The following SLC6A4 variants were observed in gnomAD, a reference collection of about 807,000 sequenced individuals.
The protein encoded by SLC6A4 is sodium-dependent serotonin transporter.
A neutral mutation model predicts 73.4 loss-of-function variants in SLC6A4; 22 were observed. That is an observed-to-expected ratio of 0.30 (90% CI 0.21 to 0.43). The LOEUF (loss-of-function observed/expected upper bound fraction) is 0.43, where lower values mean the gene tolerates loss of function less well. SLC6A4 is among the 20% of genes least tolerant of loss of function. SLC6A4 has a pLI of 1.00. For synonymous variants in SLC6A4, 270 were observed against 315.5 expected (o/e 0.86, Z 1.53); for missense variants, 593 against 808.5 (o/e 0.73, Z 3.23).
intron 1 of SLC6A4, among the ~76,000 whole-genome samples, chr17:30,230,045 AAAGAAGAAGAAGAAG>A (rs1189804200): frequency 2.7e-5 from 3 of 111,064 alleles, no homozygotes; most frequent in Admixed American, 1.0e-4. Flanking sequence ...GAAAAAGAAG[AAAGAAGAAGAAGAAG>A]AAGAAGAAGA....
intron 13 of SLC6A4, among the ~76,000 whole-genome samples, chr17:30,204,150 T>C (rs1906119171): frequency 6.6e-6 from 1 of 152,278 alleles, no homozygotes; most frequent in South Asian, 2.1e-4. Flanking sequence ...TTATGAGTTT[T>C]CTTATTTCAA....
chr17:30,215,564 T>C lies in SLC6A4; in HGVS notation c.1076+47A>G, dbSNP rs56112008. ...CACCTTCCTCCACACTAGCTGACTT[T>C]CACTCACGCCACTTTCAAGCTTTGC... On this transcript the variant is annotated intron_variant, in intron 8 of 14. Transcript: ENST00000650711. The C allele has an allele frequency of 5.6e-5, 83 of 1,479,828 alleles. No homozygotes were observed. In the African/African-American group the frequency reaches 1.1e-3, roughly 19 times the overall value. 91.7% of individuals were successfully genotyped at this position (1,479,828 alleles called of 1,614,324 possible).
chr17:30,218,437 AG>A, intron 4 of SLC6A4, 100 bp from the exon 5 acceptor site: 1 of 905,966 alleles, frequency 1.1e-6, no homozygotes, highest in Non-Finnish European at 1.7e-6. Flanking sequence ...AGCCCAGCAG[AG>A]GGGTACACGT....
At chr17:30,214,422 C>CAAAAAAAAAAAAAAAAAAAAAAA (rs748274109) in intron 8 of SLC6A4, among the ~76,000 whole-genome samples, 1 of 79,532 alleles carries the variant, frequency 1.3e-5, no homozygotes, top group Non-Finnish European at 2.2e-5. Context: ...AACTCCGTCT[C>CAAAAAAAAAAAAAAAAAAAAAAA]AAAAAAAAAA....
At chr17:30,226,360 C>G (rs1031059753) in intron 1 of SLC6A4, among the ~76,000 whole-genome samples, 4 of 152,226 alleles carry the variant, frequency 2.6e-5, no homozygotes, top group African/African-American at 9.6e-5. Context: ...GAAGCACTCC[C>G]TCAGCAAAGA....
At chr17:30,214,999 C>CTTTT (rs1906519186) in intron 8 of SLC6A4, among the ~76,000 whole-genome samples, 1 of 27,412 alleles carries the variant, frequency 3.6e-5, no homozygotes, top group African/African-American at 7.5e-5. Flanking sequence ...TTCCTTCCTT[C>CTTTT]CTTTCTTTCT....
intron 3 of SLC6A4, among the ~76,000 whole-genome samples, chr17:30,220,015 T>C (rs2143015298): frequency 6.6e-6 from 1 of 152,278 alleles, no homozygotes; most frequent in Admixed American, 6.5e-5. Context: ...GCCCCTTACA[T>C]AATGCCCAGG....
chr17:30,201,582 A>T (rs921282422), intron 14 of SLC6A4, among the ~76,000 whole-genome samples: 4 of 152,212 alleles, frequency 2.6e-5, no homozygotes, highest in African/African-American at 9.6e-5. Flanking sequence ...AACAGAGCTC[A>T]TGGATCATCA....
chr17:30,203,701 G>T, intron 13 of SLC6A4: 1 of 216,724 alleles, frequency 4.6e-6, no homozygotes, highest in Non-Finnish European at 9.3e-6. Context: ...TTTGGGCCTT[G>T]TCTTGCCAGA....
chr17:30,228,281 A>G (rs906849863), intron 1 of SLC6A4, among the ~76,000 whole-genome samples: 3 of 152,180 alleles, frequency 2.0e-5, no homozygotes, highest in African/African-American at 4.8e-5. Context: ...TAAAACCGCT[A>G]CTTCCTAAAG....
intron 8 of SLC6A4, among the ~76,000 whole-genome samples, chr17:30,213,763 T>C (rs1236978658): frequency 2.1e-5 from 3 of 145,584 alleles, no homozygotes; most frequent in Non-Finnish European, 4.6e-5. Flanking sequence ...TTATTTATTT[T>C]TGAGATAGGG....
At chr17:30,230,074 AGAAGAAGAAGAAGAAGAAGAAGAGGAG>A (rs1907044980) in intron 1 of SLC6A4, among the ~76,000 whole-genome samples, 4 of 117,436 alleles carry the variant, frequency 3.4e-5, no homozygotes, top group African/African-American at 1.4e-4. Flanking sequence ...AAGAAGAAGA[AGAAGAAGAAGAAGAAGAAGAAGAGGAG>A]GAAGAGGAAG....
chr17:30,227,463 TTGTG>T (rs1476337880), intron 1 of SLC6A4, among the ~76,000 whole-genome samples: 2 of 151,820 alleles, frequency 1.3e-5, no homozygotes, highest in Admixed American at 6.6e-5. Context: ...TTCTGTTCCT[TTGTG>T]TGTGTGTTTG....
At chr17:30,231,780 C>T (rs1165795956) in intron 1 of SLC6A4, among the ~76,000 whole-genome samples, 2 of 152,228 alleles carry the variant, frequency 1.3e-5, no homozygotes, top group South Asian at 2.1e-4. Flanking sequence ...AGCTTACCTC[C>T]CCTCTCCCCT....
Position 30,198,347 on chromosome 17 carries a change from C to T in SLC6A4, c.*109G>A. The T allele has an allele frequency of 1.5e-6, 1 of 662,272 alleles. No homozygotes were observed. The highest frequency in any genetic ancestry group is 1.9e-5 in the South Asian group (1 of 52,034). The allele number at this position is 662,272 out of a possible 1,614,324, so 41.0% of individuals were successfully genotyped here. A position where few individuals can be genotyped will look rare whatever the true frequency, so the allele number is the denominator to read the frequency against. On this transcript the variant is annotated 3_prime_UTR_variant, in exon 15 of 15. Coordinates refer to ENST00000650711, the MANE Select transcript of SLC6A4 (RefSeq NM_001045.6). ...GTCCCTGTGGAGAAGGCCCTTCCAT[C>T]ATCAGGCTTAGCTGGAAACTCATTC...
intron 1 of SLC6A4, among the ~76,000 whole-genome samples, chr17:30,227,605 G>T (rs1194657020): frequency 1.3e-5 from 2 of 151,904 alleles, no homozygotes; most frequent in African/African-American, 4.8e-5. Flanking sequence ...CCCACCTCAG[G>T]CTCCCGAGTA....
chr17:30,198,604 A>T, intron 14 of SLC6A4, 74 bp from the exon 15 acceptor site: 1 of 809,468 alleles, frequency 1.2e-6, no homozygotes, highest in South Asian at 1.5e-5. Flanking sequence ...CAACATTAAT[A>T]TTAAAACAAA....
At chr17:30,199,309 T>C (rs1361205168) in intron 14 of SLC6A4, among the ~76,000 whole-genome samples, 5 of 148,232 alleles carry the variant, frequency 3.4e-5, no homozygotes, top group African/African-American at 1.0e-4. Flanking sequence ...CTCAGGGATA[T>C]AGAGGAGAAA....
At chr17:30,222,692 C>T in intron 2 of SLC6A4, 127 bp downstream of exon 2, 2 of 767,186 alleles carry the variant, frequency 2.6e-6, no homozygotes, top group Middle Eastern at 5.4e-4. Flanking sequence ...CGTCTTTTAG[C>T]CCCTAGGAAG....
Sources: allele counts gnomAD v4.1 joint callset (sites outside exome capture counted in the v4.1 genomes callset), GRCh38; gene constraint gnomAD v4.1.1; transcripts MANE v1.5; gene names NCBI Gene and HGNC (gene_info 2026-07-23, HGNC 2026-07-21).